EPM2A: variants seen among roughly 807,000 people sequenced by gnomAD.
EPM2A encodes the protein EPM2A glucan phosphatase, laforin.
Under a neutral mutation model 26.5 loss-of-function variants are expected in EPM2A, and 21 were observed. The ratio of observed to expected loss-of-function variants is 0.79; its 90% CI spans 0.56 to 1.14. The LOEUF is 1.14. EPM2A is among the 50% of genes most tolerant of loss of function. EPM2A has a pLI of 0.00. For missense variants in EPM2A, 458 were observed against 440.8 expected (o/e 1.04, Z -0.35); for synonymous variants, 217 against 177.6 (o/e 1.22, Z -1.76).
At chr6:145,577,435 T>C (rs949987665) in intron 2 of EPM2A, among the ~76,000 whole-genome samples, 9 of 149,634 alleles carry the variant, frequency 6.0e-5, no homozygotes, top group African/African-American at 1.2e-4. Context: ...ACAAAAACTA[T>C]GAAAAGAGAC....
At position 145,599,065 on chromosome 6, in the gene EPM2A, C is replaced by CTTGCCT. The variant is rs1781383999; in HGVS notation, c.340+36179_340+36180insAGGCAA. ...GATGTCTCTAGCTTTGTTCTTTTTG[C>CTTGCCT]TTAGGATTGCCTTGGCTATTCGGGC... On this transcript the variant is annotated intron_variant, in intron 2 of 3. Transcript: ENST00000450221. Among the ~76,000 whole-genome samples, 3 of 152,226 alleles carry CTTGCCT rather than the reference C, an allele frequency of 2.0e-5. No individual in the cohort carries two copies. In the South Asian group the frequency reaches 6.2e-4, roughly 32 times the overall value.
chr6:145,612,356 G>A (rs1002626475), intron 2 of EPM2A, among the ~76,000 whole-genome samples: 32 of 152,102 alleles, frequency 2.1e-4, no homozygotes, highest in African/African-American at 7.5e-4. Context: ...AAAGAGTAAA[G>A]TTTGTTCAAA....
At chr6:145,501,551 C>T, downstream of EPM2A, 1 of 275,784 alleles carries the variant, frequency 3.6e-6, no homozygotes, top group African/African-American at 2.2e-5. Flanking sequence ...CTTGTGTGTC[C>T]CAAAGCACAA....
intron 4 of EPM2A, among the ~76,000 whole-genome samples, chr6:145,429,436 T>G (rs932359269): frequency 2.0e-5 from 3 of 152,188 alleles, no homozygotes; most frequent in Non-Finnish European, 2.9e-5. Flanking sequence ...AGCAGGTGAT[T>G]AATCTATATT....
chr6:145,501,999 C>G (rs1358193045), intron 3 of EPM2A, among the ~76,000 whole-genome samples: 1 of 152,138 alleles, frequency 6.6e-6, no homozygotes, highest in Non-Finnish European at 1.5e-5. Flanking sequence ...GAATTGAACC[C>G]TAAACAGCTA....
chr6:145,491,090 A>G, intron 4 of EPM2A: 1 of 673,634 alleles, frequency 1.5e-6, no homozygotes, highest in Non-Finnish European at 2.7e-6. Context: ...AAGTTGCTGC[A>G]ATCTTCCTTT....
At chr6:145,615,381 T>C (rs1380449387) in intron 2 of EPM2A, among the ~76,000 whole-genome samples, 2 of 152,178 alleles carry the variant, frequency 1.3e-5, no homozygotes, top group African/African-American at 4.8e-5. Flanking sequence ...CCCAGCCACA[T>C]GGAACTGTAA....
intron 4 of EPM2A, among the ~76,000 whole-genome samples, chr6:145,485,462 G>A (rs1779659757): frequency 6.6e-6 from 1 of 152,172 alleles, no homozygotes; most frequent in South Asian, 2.1e-4. Flanking sequence ...ACTGGCAGGG[G>A]GTGGGAGAGG....
At chr6:145,609,319 T>G (rs912139667) in intron 2 of EPM2A, among the ~76,000 whole-genome samples, 3 of 152,174 alleles carry the variant, frequency 2.0e-5, no homozygotes, top group Non-Finnish European at 4.4e-5. Context: ...GAACAAAACT[T>G]AAAAATTTAA....
intron 4 of EPM2A, among the ~76,000 whole-genome samples, chr6:145,466,741 C>T (rs1779401318): frequency 6.6e-6 from 1 of 152,126 alleles, no homozygotes; most frequent in Non-Finnish European, 1.5e-5. Flanking sequence ...TTGGAACCAA[C>T]CCAAATGTCC....
intron 2 of EPM2A, among the ~76,000 whole-genome samples, chr6:145,524,746 T>C (rs1321103486): frequency 2.6e-5 from 4 of 152,304 alleles, no homozygotes; most frequent in African/African-American, 9.6e-5. Context: ...ATAGTTACTT[T>C]TGCTGAGCAG....
chr6:145,499,667 T>C (rs558688262), downstream of EPM2A, among the ~76,000 whole-genome samples: 1 of 152,342 alleles, frequency 6.6e-6, no homozygotes, highest in East Asian at 1.9e-4. Context: ...GTTAGCACAG[T>C]GGCTTTTAGA....
At chr6:145,425,112 G>C (rs1173824915) in intron 4 of EPM2A, among the ~76,000 whole-genome samples, 2 of 62,550 alleles carry the variant, frequency 3.2e-5, no homozygotes, top group African/African-American at 7.9e-5. Context: ...TTGGATGTAA[G>C]TCTCCCTTCC....
intron 4 of EPM2A, among the ~76,000 whole-genome samples, chr6:145,482,542 A>G (rs1055459905): frequency 6.6e-6 from 1 of 152,120 alleles, no homozygotes; most frequent in East Asian, 1.9e-4. Context: ...AATTGCTGCT[A>G]GTGTAAAATG....
At chr6:145,666,706 G>T (rs1317027347) in intron 2 of EPM2A, among the ~76,000 whole-genome samples, 1 of 144,234 alleles carries the variant, frequency 6.9e-6, no homozygotes, top group Non-Finnish European at 1.5e-5. Flanking sequence ...GCATCGCCAA[G>T]TCAATCCTAA....
chr6:145,428,499 A>G (rs540687943), intron 4 of EPM2A, among the ~76,000 whole-genome samples: 2 of 152,332 alleles, frequency 1.3e-5, no homozygotes, highest in East Asian at 3.9e-4. Flanking sequence ...CTCTCATTCA[A>G]TAAGCACTAG....
intron 2 of EPM2A, among the ~76,000 whole-genome samples, chr6:145,653,633 A>G (rs1279373638): frequency 4.7e-4 from 72 of 152,202 alleles, no homozygotes; most frequent in Admixed American, 4.4e-3. Flanking sequence ...CCATGATTAC[A>G]GAGTCTGACA....
At chr6:145,721,825 T>C (rs149123519) in intron 1 of EPM2A, 56 of 152,374 alleles carry the variant, frequency 3.7e-4, no homozygotes, top group African/African-American at 1.3e-3. Context: ...TTTAAGCTTA[T>C]ACTTTATTCA....
intron 2 of EPM2A, among the ~76,000 whole-genome samples, chr6:145,507,448 C>A (rs1477573353): frequency 6.6e-6 from 1 of 152,194 alleles, no homozygotes; most frequent in Non-Finnish European, 1.5e-5. Flanking sequence ...GGTGATTCAC[C>A]TTTCCACTAG....
Sources: allele counts gnomAD v4.1 joint callset (sites outside exome capture counted in the v4.1 genomes callset), GRCh38; gene constraint gnomAD v4.1.1; transcripts MANE v1.5; gene names NCBI Gene and HGNC (gene_info 2026-07-23, HGNC 2026-07-21).